The following BEND3 variants were observed in gnomAD, a reference collection of about 807,000 sequenced individuals.
BEND3 encodes the protein BEN domain containing 3.
In BEND3, 13 loss-of-function variants were observed where a neutral mutation model predicts 60.1. The observed-to-expected ratio is 0.22, with a 90% CI of 0.14 to 0.34. The LOEUF (loss-of-function observed/expected upper bound fraction) is 0.34, where lower values mean the gene tolerates loss of function less well. Ranked by LOEUF, BEND3 falls within the 10% of genes least tolerant of loss-of-function variation. BEND3 has a pLI of 1.00. For missense variants in BEND3, 896 were observed against 1,138.1 expected (o/e 0.79, Z 3.06); for synonymous variants, 497 against 491.5 (o/e 1.01, Z -0.15).
At chr6:107,095,882 G>T (rs1459243476) in intron 3 of BEND3, among the ~76,000 whole-genome samples, 1 of 152,164 alleles carries the variant, frequency 6.6e-6, no homozygotes, top group Non-Finnish European at 1.5e-5. Context: ...GTTGCTGGGG[G>T]TTATGTGGGA....
chr6:107,094,797 G>C (rs1427903214), intron 3 of BEND3, among the ~76,000 whole-genome samples: 1 of 148,252 alleles, frequency 6.7e-6, no homozygotes, highest in African/African-American at 2.5e-5. Flanking sequence ...TGAGATTACA[G>C]TGAGCTGACT....
In BEND3 at chr6:107,068,436, C is replaced by G. The variant is rs1261090844; in HGVS notation, c.*268G>C. 2.3e-6 allele frequency: 1 copy of G among 442,542 alleles called. No homozygotes were observed. The highest frequency in any genetic ancestry group is 4.0e-6 in the Non-Finnish European group (1 of 249,110). 27.4% of individuals were successfully genotyped at this position (442,542 alleles called of 1,614,324 possible). On this transcript the variant is annotated 3_prime_UTR_variant, in exon 4 of 4. Transcript: ENST00000369042. The surrounding 1 kb of genome is among the most constrained non-coding windows in gnomAD (Gnocchi z 5.8). Reference sequence around the variant, plus strand: ...GGAGAGAGGACCCCTAACCTCTGGTCCCTGCCCTCACAGCTTGCTCTCCCC... The same window carrying G: ...GGAGAGAGGACCCCTAACCTCTGGTGCCTGCCCTCACAGCTTGCTCTCCCC...
At chr6:107,113,587 C>T (rs2115044860) in intron 1 of BEND3, among the ~76,000 whole-genome samples, 1 of 152,204 alleles carries the variant, frequency 6.6e-6, no homozygotes, top group Admixed American at 6.5e-5. Flanking sequence ...GAGGCTCTCT[C>T]CATTCATTTA....
At chr6:107,101,589 T>G (rs1037060171) in intron 1 of BEND3, among the ~76,000 whole-genome samples, 3 of 152,290 alleles carry the variant, frequency 2.0e-5, no homozygotes, top group Admixed American at 2.0e-4. Flanking sequence ...GAAAAAACAT[T>G]ACACACAGGG....
At chr6:107,106,470 G>C (rs543560897) in intron 1 of BEND3, among the ~76,000 whole-genome samples, 1 of 152,146 alleles carries the variant, frequency 6.6e-6, no homozygotes, top group African/African-American at 2.4e-5. Flanking sequence ...GCAGGTGCAT[G>C]AGCAAGTCAA....
chr6:107,074,462 C>T (rs550262464), intron 3 of BEND3, among the ~76,000 whole-genome samples: 14 of 152,170 alleles, frequency 9.2e-5, no homozygotes, highest in African/African-American at 1.4e-4. Flanking sequence ...TTTATTATTA[C>T]GTAATGCTAT....
At chr6:107,086,086 C>T (rs781987615) in intron 3 of BEND3, among the ~76,000 whole-genome samples, 6 of 152,178 alleles carry the variant, frequency 3.9e-5, no homozygotes, top group East Asian at 1.9e-4. Flanking sequence ...CGCGCCTGGC[C>T]GCCTTCTCTT....
chr6:107,096,431 G>C (rs1160435594), intron 3 of BEND3, among the ~76,000 whole-genome samples: 1 of 151,560 alleles, frequency 6.6e-6, no homozygotes, highest in East Asian at 2.0e-4. Flanking sequence ...GGCCAACATA[G>C]TGAAACCCTG....
At chr6:107,101,594 A>T (rs897985364) in intron 1 of BEND3, among the ~76,000 whole-genome samples, 11 of 152,220 alleles carry the variant, frequency 7.2e-5, no homozygotes, top group Admixed American at 7.2e-4. Flanking sequence ...AACATTACAC[A>T]CAGGGTGATA....
intron 3 of BEND3, among the ~76,000 whole-genome samples, chr6:107,075,163 T>G (rs1206923965): frequency 1.3e-5 from 2 of 150,326 alleles, no homozygotes; most frequent in Non-Finnish European, 3.0e-5. Context: ...GAGGTGGAGG[T>G]TGCAGTGAGC....
chr6:107,070,409 A>T lies in BEND3; in HGVS notation c.782T>A (p.Leu261Gln), dbSNP rs782622829. ...AELKQIVDQS[L>Q]SGGDLACRLL... is the part of the protein sequence containing the mutation. ...GCGGCAGGCCAGGTCCCCCCCTGACAGGCTCTGGTCCACGATCTGCTTGAG... is the reference window on the plus strand; with the variant it reads ...GCGGCAGGCCAGGTCCCCCCCTGACTGGCTCTGGTCCACGATCTGCTTGAG... Residue 261 changes from leucine to glutamine, a missense_variant, in exon 4 of 4, where the codon CTG (leucine) becomes CAG (glutamine). Leu to Gln is a moderately radical substitution (Grantham distance 113, BLOSUM62 -2). This residue lies in a region of BEND3 where 846 missense variants were observed against 1,036.7 expected (regional missense o/e 0.82). Transcript: ENST00000369042. This position sits in a 1 kb window ranked among gnomAD's most constrained non-coding sequence, Gnocchi z 6.9. The T allele has an allele frequency of 3.7e-6, 6 of 1,613,930 alleles. No individual in the cohort carries two copies. The Admixed American group carries it at 1.0e-4, about 27-fold the overall frequency.
At chr6:107,107,375 G>A (rs1554237672) in intron 1 of BEND3, among the ~76,000 whole-genome samples, 1 of 151,798 alleles carries the variant, frequency 6.6e-6, no homozygotes, top group Non-Finnish European at 1.5e-5. Context: ...AAACTACAAA[G>A]GAGAAAGTGT....
chr6:107,090,670 T>C (rs1393361684), intron 3 of BEND3, among the ~76,000 whole-genome samples: 6 of 152,180 alleles, frequency 3.9e-5, no homozygotes, highest in Non-Finnish European at 8.8e-5. Flanking sequence ...TCTTTTGTTA[T>C]TATAAGGTAC....
chr6:107,069,525 T>C lies in BEND3; in HGVS notation c.1666A>G (p.Ser556Gly). 6.2e-7 allele frequency: 1 copy of C among 1,613,176 alleles called. No individual in the cohort carries two copies. Residue 556 changes from serine to glycine, a missense_variant, in exon 4 of 4, where the codon AGC (serine) becomes GGC (glycine). Ser to Gly is a moderately conservative substitution (Grantham distance 56). Around this residue, in one of 4 missense-constraint regions of BEND3, gnomAD observed 846 missense variants for 1,036.7 expected, o/e 0.82. Transcript: ENST00000369042. ...FEVPGADCLL[S>G]KEQLRSIYES... ...TAGATGCTGCGTAGCTGCTCCTTGC[T>C]GAGCAGGCAGTCGGCACCGGGCACC...
Position 107,102,696 on chromosome 6 carries a change from G to C in BEND3, c.-11-3400C>G, listed in dbSNP as rs141138759. Among the ~76,000 whole-genome samples the C allele has an allele frequency of 2.9e-3, 438 of 152,356 alleles. 5 individuals carry two copies. Among genetic ancestry groups the C allele is most frequent in the African/African-American group, 9.7e-3 (402 of 41,586 alleles). On this transcript the variant is annotated intron_variant, in intron 1 of 3. Coordinates refer to ENST00000369042, the MANE Select transcript of BEND3 (RefSeq NM_001367314.1). ...CAGCTTCACTCATTAAGAAGCTGGG[G>C]AATCTCCCATTTGCAAGGCCTGGAA...
intron 3 of BEND3, among the ~76,000 whole-genome samples, chr6:107,084,188 G>C (rs1775292311): frequency 1.3e-5 from 2 of 152,250 alleles, no homozygotes; most frequent in South Asian, 4.1e-4. Flanking sequence ...AGACACCAGA[G>C]AGCAGACTTC....
intron 1 of BEND3, among the ~76,000 whole-genome samples, chr6:107,101,917 A>C (rs919505133): frequency 3.9e-5 from 6 of 152,228 alleles, no homozygotes; most frequent in Non-Finnish European, 7.3e-5. Context: ...GAGATGCAGA[A>C]CAGATGGGGC....
Position 107,068,265 on chromosome 6 carries a change from C to T in BEND3, c.*439G>A, listed in dbSNP as rs1774872688. On this transcript the variant is annotated 3_prime_UTR_variant, in exon 4 of 4. Coordinates refer to ENST00000369042, the MANE Select transcript of BEND3 (RefSeq NM_001367314.1). The surrounding 1 kb of genome is among the most constrained non-coding windows in gnomAD (Gnocchi z 5.8). ...ATTTTTTTCTAAGTAAAATGGCCCC[C>T]AAAGAGCCCAATGATTTTTTTTAAG... 1 of 155,708 alleles carries T rather than the reference C, an allele frequency of 6.4e-6. No homozygotes were observed. The highest frequency in any genetic ancestry group is 2.4e-5 in the African/African-American group (1 of 41,402). The allele number at this position is 155,708 out of a possible 1,614,324, so 9.6% of individuals were successfully genotyped here.
In BEND3 at chr6:107,098,728, C is replaced by T. The variant is rs782361178; in HGVS notation, c.63G>A (p.Val21=). 2.0e-5 allele frequency: 32 copies of T among 1,613,970 alleles called. No individual in the cohort carries two copies. In the Admixed American group the frequency reaches 5.2e-4, roughly 26 times the overall value. The change falls in exon 3 of 4, where the codon GTG becomes GTA. Residue 21 remains valine, a synonymous_variant. Transcript: ENST00000369042. ...GAGCAGCATCTTCAGCCTCTGTCTC[C>T]ACTTTCACAGTGATACTTTTTAGAA... The part of the protein sequence containing the change: ...EEVLKSITVK[V]ETEAEDAALD...
Sources: gnomAD v4.1 joint callset for allele counts (sites outside exome capture counted in the v4.1 genomes callset) on GRCh38, gnomAD v4.1.1 for gene constraint, gnomAD v4.1.1 regional missense constraint, Gnocchi (gnomAD v3.1) non-coding constraint, MANE v1.5 for transcripts, NCBI Gene and HGNC (gene_info 2026-07-23, HGNC 2026-07-21) for gene names.